Variants in DCC observed in about 807,000 individuals in gnomAD.
DCC encodes the protein DCC netrin 1 receptor, also known as netrin receptor DCC.
A neutral mutation model predicts 172.5 loss-of-function variants in DCC; 58 were observed. That is an observed-to-expected ratio of 0.34 (90% CI 0.27 to 0.42). The LOEUF is 0.42. DCC is among the 10% of genes least tolerant of loss of function. The pLI is 1.00. For synonymous variants in DCC, 709 were observed against 644.5 expected, an observed-to-expected ratio of 1.10 and a Z score of -1.52; for missense variants, 1,740 against 1,791.0, an observed-to-expected ratio of 0.97 and a Z score of 0.51.
intron 7 of DCC, among the ~76,000 whole-genome samples, chr18:53,157,024 T>C: frequency 6.6e-6 from 1 of 152,202 alleles, no homozygotes; most frequent in East Asian, 1.9e-4. Flanking sequence ...ACTCAAGTGC[T>C]TGTTAAAAAT....
At chr18:52,736,079 G>A (rs1319692218) in intron 1 of DCC, among the ~76,000 whole-genome samples, 2 of 152,028 alleles carry the variant, frequency 1.3e-5, no homozygotes, top group African/African-American at 4.8e-5. Context: ...TAAGCAGAAA[G>A]GTGATCTAGA....
At position 53,533,748 on chromosome 18, in the gene DCC, A is replaced by G. The variant is rs2046546690; in HGVS notation, c.*3095A>G. ...AAGTTTTACATTTGGGTATTATAAAATGCATACTCAATTGAATGAGCTGAA... is the reference window on the plus strand; with the variant it reads ...AAGTTTTACATTTGGGTATTATAAAGTGCATACTCAATTGAATGAGCTGAA... On this transcript the variant is annotated 3_prime_UTR_variant, in exon 29 of 29. Transcript: ENST00000442544. 6.6e-6 allele frequency: 1 copy of G among 152,232 alleles called. No homozygotes were observed. The highest frequency in any genetic ancestry group is 2.4e-5 in the African/African-American group (1 of 41,474). The allele number at this position is 152,232 out of a possible 1,614,324, so 9.4% of individuals were successfully genotyped here. A position where few individuals can be genotyped will look rare whatever the true frequency, so the allele number is the denominator to read the frequency against.
At chr18:52,936,058 T>G (rs1022351603) in intron 5 of DCC, among the ~76,000 whole-genome samples, 2 of 151,728 alleles carry the variant, frequency 1.3e-5, no homozygotes, top group Admixed American at 1.3e-4. Context: ...GTTAAGAGAG[T>G]TTTTGTATGT....
intron 14 of DCC, among the ~76,000 whole-genome samples, chr18:53,324,620 A>C (rs2057447489): frequency 6.6e-6 from 1 of 152,120 alleles, no homozygotes; most frequent in South Asian, 2.1e-4. Context: ...GTAGAAGAAA[A>C]ATCAAGAACA....
chr18:53,190,841 G>T (rs1330978138), intron 9 of DCC, among the ~76,000 whole-genome samples: 3 of 152,130 alleles, frequency 2.0e-5, no homozygotes, highest in Admixed American at 2.0e-4. Flanking sequence ...GGCTACTGGG[G>T]AGGCCAAGGC....
At chr18:53,403,194 T>A (rs1909437676) in intron 19 of DCC, among the ~76,000 whole-genome samples, 1 of 152,086 alleles carries the variant, frequency 6.6e-6, no homozygotes, top group Non-Finnish European at 1.5e-5. Flanking sequence ...CTCTGAAGCA[T>A]TAAGACCACT....
intron 13 of DCC, among the ~76,000 whole-genome samples, chr18:53,309,693 C>T (rs1243422973): frequency 6.6e-6 from 1 of 151,926 alleles, no homozygotes; most frequent in Non-Finnish European, 1.5e-5. Flanking sequence ...ATTATCATTC[C>T]AGCCAAAAGC....
intron 10 of DCC, among the ~76,000 whole-genome samples, chr18:53,207,071 G>A (rs938110773): frequency 4.6e-5 from 7 of 151,746 alleles, no homozygotes; most frequent in Non-Finnish European, 1.0e-4. Context: ...GCTCTTCAAC[G>A]CATTTTGCCA....
intron 1 of DCC, among the ~76,000 whole-genome samples, chr18:52,434,641 T>C (rs1033742908): frequency 6.6e-6 from 1 of 152,176 alleles, no homozygotes; most frequent in Non-Finnish European, 1.5e-5. Context: ...TTTCTTTTTT[T>C]TTTTTAAACC....
chr18:52,424,443 T>C lies in DCC; in HGVS notation c.91+83565T>C, dbSNP rs147632481. Among the ~76,000 whole-genome samples the C allele has an allele frequency of 1.8e-4, 27 of 152,278 alleles. No homozygotes were observed. In the East Asian group the frequency reaches 3.1e-3, roughly 17 times the overall value. ...CTTCTTCCCTAAGGGACAAAGTTCGTAGGGGAAGCACAAGTGCTAGAGAGG... is the reference window on the plus strand; with the variant it reads ...CTTCTTCCCTAAGGGACAAAGTTCGCAGGGGAAGCACAAGTGCTAGAGAGG... On this transcript the variant is annotated intron_variant, in intron 1 of 28. Transcript: ENST00000442544.
At chr18:52,841,966 T>G (rs2038814478) in intron 2 of DCC, among the ~76,000 whole-genome samples, 1 of 151,168 alleles carries the variant, frequency 6.6e-6, no homozygotes, top group Non-Finnish European at 1.5e-5. Flanking sequence ...AATACAAAGA[T>G]TAAAGTTTGA....
rs34457182 is a variant in DCC, at chr18:52,929,817, A to AACACACACACACACACAC, written c.985+4476_985+4493dup. Among the ~76,000 whole-genome samples the AACACACACACACACACAC allele has an allele frequency of 1.8e-3, 261 of 144,864 alleles. 3 individuals are homozygous for AACACACACACACACACAC. The highest frequency in any genetic ancestry group is 5.2e-3 in the African/African-American group (203 of 38,982). On this transcript the variant is annotated intron_variant, in intron 5 of 28. Transcript: ENST00000442544. ...ATAATCCAAAGACCTGGACTTTGCA[A>AACACACACACACACACAC]ACACACACACACACACACACACACA...
intron 7 of DCC, among the ~76,000 whole-genome samples, chr18:53,132,497 A>T (rs1337549698): frequency 1.3e-5 from 2 of 152,100 alleles, no homozygotes; most frequent in Non-Finnish European, 2.9e-5. Flanking sequence ...TGGTCTTCCA[A>T]CCATTGTTCT....
intron 8 of DCC, among the ~76,000 whole-genome samples, chr18:53,169,757 T>G (rs909663404): frequency 6.6e-6 from 1 of 152,168 alleles, no homozygotes; most frequent in African/African-American, 2.4e-5. Context: ...AATACAAGTT[T>G]ACCCAAAAAT....
chr18:52,572,663 T>C (rs1330647876), intron 1 of DCC, among the ~76,000 whole-genome samples: 1 of 152,154 alleles, frequency 6.6e-6, no homozygotes, highest in African/African-American at 2.4e-5. Flanking sequence ...AGCCTCTGCT[T>C]CACCTCCCAT....
intron 1 of DCC, among the ~76,000 whole-genome samples, chr18:52,684,421 T>C (rs2035796809): frequency 6.6e-6 from 1 of 151,894 alleles, no homozygotes; most frequent in African/African-American, 2.4e-5. Flanking sequence ...TCCATTAATC[T>C]CACTCTAGGT....
chr18:52,916,110 T>C (rs1232745580), intron 3 of DCC, among the ~76,000 whole-genome samples: 1 of 152,152 alleles, frequency 6.6e-6, no homozygotes, highest in African/African-American at 2.4e-5. Context: ...ATTCCACATG[T>C]GTCAACATAG....
At chr18:52,374,431 G>A (rs908701800) in intron 1 of DCC, among the ~76,000 whole-genome samples, 1 of 151,984 alleles carries the variant, frequency 6.6e-6, no homozygotes, top group Non-Finnish European at 1.5e-5. Flanking sequence ...TAGCCCCTCG[G>A]TGCTTAGAAG....
intron 1 of DCC, among the ~76,000 whole-genome samples, chr18:52,488,675 A>G (rs2030349681): frequency 6.6e-6 from 1 of 152,122 alleles, no homozygotes; most frequent in Non-Finnish European, 1.5e-5. Flanking sequence ...GTCTCACCCC[A>G]TAGACACCAA....
Sources: allele counts gnomAD v4.1 joint callset (sites outside exome capture counted in the v4.1 genomes callset), GRCh38; gene constraint gnomAD v4.1.1; transcripts MANE v1.5; gene names NCBI Gene and HGNC (gene_info 2026-07-23, HGNC 2026-07-21).